Variants in CALCR observed in about 807,000 individuals in gnomAD.
The protein encoded by CALCR is calcitonin receptor.
In CALCR, 47 loss-of-function variants were observed where a neutral mutation model predicts 59.5. The ratio of observed to expected loss-of-function variants is 0.79; its 90% confidence interval spans 0.63 to 1.01. The LOEUF (loss-of-function observed/expected upper bound fraction) is 1.01. Among genes scored for constraint, CALCR ranks in the 50% least tolerant of loss-of-function variants. The pLI is 0.00. For synonymous variants in CALCR, 213 were observed against 211.3 expected, an observed-to-expected ratio of 1.01 and a Z score of -0.07; for missense variants, 566 against 597.1, an observed-to-expected ratio of 0.95 and a Z score of 0.54.
At chr7:93,499,478 A>T (rs1337646971) in intron 2 of CALCR, among the ~76,000 whole-genome samples, 1 of 151,850 alleles carries the variant, frequency 6.6e-6, no homozygotes, top group Non-Finnish European at 1.5e-5. Flanking sequence ...TGCAATGGAC[A>T]TTCAAGGAAT....
intron 6 of CALCR, among the ~76,000 whole-genome samples, chr7:93,471,016 A>G (rs771549569): frequency 6.8e-6 from 1 of 147,300 alleles, no homozygotes; most frequent in South Asian, 2.2e-4. Context: ...ATGAGTGAGA[A>G]TATGCGGTGT....
chr7:93,500,125 G>GCT (rs753879724), intron 2 of CALCR, among the ~76,000 whole-genome samples: 113 of 151,980 alleles, frequency 7.4e-4, no homozygotes, highest in Admixed American at 2.5e-3. Flanking sequence ...TAGTGGAAGA[G>GCT]CTCTAATTAA....
chr7:93,441,320 T>TTG (rs1014782709), intron 9 of CALCR, among the ~76,000 whole-genome samples: 47 of 151,906 alleles, frequency 3.1e-4, no homozygotes, highest in African/African-American at 1.1e-3. Flanking sequence ...ATGTGTGTGT[T>TTG]TGTGTGTGTG....
chr7:93,570,261 C>T (rs1488404044), intron 2 of CALCR, among the ~76,000 whole-genome samples: 2 of 152,028 alleles, frequency 1.3e-5, no homozygotes, highest in African/African-American at 4.8e-5. Context: ...GATTAGAAAA[C>T]AAGTCTAACC....
intron 2 of CALCR, among the ~76,000 whole-genome samples, chr7:93,546,645 T>C (rs1789296538): frequency 6.6e-6 from 1 of 151,744 alleles, no homozygotes. Flanking sequence ...TCGACCTTTC[T>C]GGCTCAAGTG....
intron 2 of CALCR, among the ~76,000 whole-genome samples, chr7:93,494,901 G>A (rs1448044139): frequency 6.6e-6 from 1 of 151,332 alleles, no homozygotes; most frequent in Non-Finnish European, 1.5e-5. Flanking sequence ...GATAACTGTG[G>A]AAAATCCGGG....
chr7:93,553,851 A>G (rs7807178), intron 2 of CALCR, among the ~76,000 whole-genome samples: 102,434 of 151,936 alleles, frequency 0.67, 36,020 homozygotes, highest in African/African-American at 0.89. Flanking sequence ...AAGCAGGGAT[A>G]GTAACTACAT....
intron 8 of CALCR, among the ~76,000 whole-genome samples, chr7:93,460,597 A>ATGTG (rs1482290280): frequency 3.0e-5 from 4 of 133,764 alleles, no homozygotes; most frequent in South Asian, 2.3e-4. Flanking sequence ...ATATATGTAT[A>ATGTG]TATATATATA....
intron 5 of CALCR, 60 bp downstream of exon 5, chr7:93,477,498 A>G (rs1251707506): frequency 1.7e-6 from 2 of 1,202,412 alleles, no homozygotes; most frequent in Non-Finnish European, 2.4e-6. Context: ...TTTCTTCTCA[A>G]AACCATGAAA....
At chr7:93,462,708 T>C (rs1166766915) in intron 7 of CALCR, among the ~76,000 whole-genome samples, 2 of 152,208 alleles carry the variant, frequency 1.3e-5, no homozygotes, top group Admixed American at 6.6e-5. Flanking sequence ...TTTCTTTTGA[T>C]TGGGGAGTGT....
chr7:93,554,484 C>G (rs1264755413), intron 2 of CALCR, among the ~76,000 whole-genome samples: 1 of 151,970 alleles, frequency 6.6e-6, no homozygotes, highest in African/African-American at 2.4e-5. Context: ...AAAGTTAACC[C>G]TGTCATAATT....
chr7:93,528,121 T>A (rs977944781), intron 2 of CALCR, among the ~76,000 whole-genome samples: 2 of 152,162 alleles, frequency 1.3e-5, no homozygotes, highest in African/African-American at 4.8e-5. Flanking sequence ...GGTAAGTGCA[T>A]GTTTAAATAA....
intron 2 of CALCR, among the ~76,000 whole-genome samples, chr7:93,544,865 C>T (rs1035778804): frequency 3.9e-5 from 6 of 152,192 alleles, no homozygotes; most frequent in Admixed American, 3.9e-4. Flanking sequence ...TGAATCTCTA[C>T]ACCTGTGGTC....
chr7:93,560,827 G>T (rs982916638), intron 2 of CALCR, among the ~76,000 whole-genome samples: 1 of 152,098 alleles, frequency 6.6e-6, no homozygotes, highest in Non-Finnish European at 1.5e-5. Flanking sequence ...AAGCTTGGGG[G>T]ATGCAGATAG....
At chr7:93,480,962 T>C (rs1178286686) in intron 3 of CALCR, among the ~76,000 whole-genome samples, 1 of 151,844 alleles carries the variant, frequency 6.6e-6, no homozygotes, top group African/African-American at 2.4e-5. Context: ...GACTTTGCTT[T>C]CAAGACTGCA....
chr7:93,549,658 TCAGA>T (rs1304300167), intron 2 of CALCR, among the ~76,000 whole-genome samples: 2 of 152,202 alleles, frequency 1.3e-5, no homozygotes, highest in Non-Finnish European at 2.9e-5. Context: ...TAAAATTCAT[TCAGA>T]CAATCTGACC....
intron 2 of CALCR, among the ~76,000 whole-genome samples, chr7:93,497,168 A>G (rs1801223875): frequency 6.6e-6 from 1 of 151,564 alleles, no homozygotes; most frequent in African/African-American, 2.4e-5. Context: ...TAAGAGAAAT[A>G]ATTCAGATGA....
At chr7:93,507,644 A>G (rs942072338) in intron 2 of CALCR, among the ~76,000 whole-genome samples, 3 of 151,302 alleles carry the variant, frequency 2.0e-5, no homozygotes, top group Non-Finnish European at 2.9e-5. Flanking sequence ...GCAGTGTCTC[A>G]TGCCTGTAAT....
At chr7:93,483,430 TAGATA>T (rs1800847603) in intron 3 of CALCR, among the ~76,000 whole-genome samples, 1 of 137,218 alleles carries the variant, frequency 7.3e-6, no homozygotes, top group African/African-American at 3.4e-5. Flanking sequence ...GATAGATAGA[TAGATA>T]GATAGATAGA....
Sources: allele counts gnomAD v4.1 joint callset (sites outside exome capture counted in the v4.1 genomes callset), GRCh38; gene constraint gnomAD v4.1.1; transcripts MANE v1.5; gene names NCBI Gene and HGNC (gene_info 2026-07-23, HGNC 2026-07-21).